The following TBC1D5 variants were observed in gnomAD, a reference collection of about 807,000 sequenced individuals.
TBC1D5 encodes TBC1 domain family member 5, also known as TBC1 domain family, member 5.
A neutral mutation model predicts 100.3 loss-of-function variants in TBC1D5; 75 were observed. The ratio of observed to expected loss-of-function variants is 0.75; its 90% CI spans 0.62 to 0.91. The LOEUF is 0.91. Among genes scored for constraint, TBC1D5 ranks in the 40% least tolerant of loss-of-function variants. The pLI is 0.00. For synonymous variants in TBC1D5, 323 were observed against 325.6 expected (o/e 0.99, Z 0.09); for missense variants, 910 against 942.4 (o/e 0.97, Z 0.45).
chr3:17,289,632 C>CAA (rs34174909), intron 15 of TBC1D5, among the ~76,000 whole-genome samples: 3 of 129,648 alleles, frequency 2.3e-5, no homozygotes, highest in African/African-American at 5.8e-5. Context: ...GACTCCATCT[C>CAA]AAAAAAAAAA....
Position 17,301,070 on chromosome 3 carries a change from G to GAA in TBC1D5, c.1138+6920_1138+6921dup, listed in dbSNP as rs1404389583. ...GTAACAAGAGTAAAACTCCGTCTCA[G>GAA]AAAAAAAAAAAAAAAGGAAAATCTA... On this transcript the variant is annotated intron_variant, in intron 14 of 21. Coordinates refer to ENST00000253692, the Ensembl canonical transcript of TBC1D5. Among the ~76,000 whole-genome samples, 382 of 82,588 alleles carry GAA rather than the reference G, an allele frequency of 4.6e-3. 4 individuals are homozygous for GAA. The highest frequency in any genetic ancestry group is 0.017 in the African/African-American group (359 of 21,718). 54.2% of individuals were successfully genotyped at this position (82,588 alleles called of 152,430 possible). A position where few individuals can be genotyped will look rare whatever the true frequency, so the allele number is the denominator to read the frequency against.
At chr3:17,198,560 A>G (rs968444695) in intron 18 of TBC1D5, among the ~76,000 whole-genome samples, 1 of 152,178 alleles carries the variant, frequency 6.6e-6, no homozygotes, top group Non-Finnish European at 1.5e-5. Flanking sequence ...GTAACTGGGC[A>G]TTTTGTGTTT....
intron 21 of TBC1D5, among the ~76,000 whole-genome samples, chr3:17,164,374 T>C (rs548390979): frequency 5.3e-5 from 8 of 152,198 alleles, no homozygotes; most frequent in Non-Finnish European, 8.8e-5. Flanking sequence ...ATCCCTAAGT[T>C]AGGAATGTGC....
chr3:17,585,111 T>C (rs1000612726), intron 2 of TBC1D5, among the ~76,000 whole-genome samples: 20 of 152,190 alleles, frequency 1.3e-4, no homozygotes, highest in African/African-American at 4.1e-4. Flanking sequence ...ATAATTTTTA[T>C]CCTCTTTATG....
chr3:17,483,826 T>C (rs1346884627), intron 3 of TBC1D5, among the ~76,000 whole-genome samples: 1 of 152,212 alleles, frequency 6.6e-6, no homozygotes, highest in Non-Finnish European at 1.5e-5. Flanking sequence ...ATTAAAGTAG[T>C]ATGCCTGACA....
chr3:17,559,267 A>C (rs1194667516), intron 2 of TBC1D5, among the ~76,000 whole-genome samples: 2 of 151,800 alleles, frequency 1.3e-5, no homozygotes, highest in Admixed American at 1.3e-4. Context: ...CAGCCTCCCA[A>C]GTAGCTGGGA....
intron 3 of TBC1D5, among the ~76,000 whole-genome samples, chr3:17,475,645 A>G (rs145315111): frequency 6.6e-6 from 1 of 152,202 alleles, no homozygotes; most frequent in East Asian, 1.9e-4. Flanking sequence ...TAACCCCACT[A>G]TCAACTCTCT....
intron 3 of TBC1D5, among the ~76,000 whole-genome samples, chr3:17,484,955 T>C (rs1218998240): frequency 6.6e-6 from 1 of 152,156 alleles, no homozygotes; most frequent in Non-Finnish European, 1.5e-5. Flanking sequence ...ATATATTCAA[T>C]GACTTACTTT....
chr3:17,685,839 T>C (rs1424978624), intron 1 of TBC1D5, among the ~76,000 whole-genome samples: 1 of 152,134 alleles, frequency 6.6e-6, no homozygotes, highest in Admixed American at 6.6e-5. Context: ...TTTCTGACAG[T>C]TTTCCTATCT....
intron 1 of TBC1D5, among the ~76,000 whole-genome samples, chr3:17,729,884 G>A (rs901639617): frequency 5.3e-5 from 8 of 152,154 alleles, no homozygotes; most frequent in Admixed American, 1.3e-4. Context: ...CAAGGCGGGC[G>A]AATCACCTGA....
At chr3:17,671,194 TAAAGGCA>T (rs2153784286) in intron 1 of TBC1D5, among the ~76,000 whole-genome samples, 1 of 152,286 alleles carries the variant, frequency 6.6e-6, no homozygotes, top group South Asian at 2.1e-4. Flanking sequence ...TGACCACATG[TAAAGGCA>T]AACATGTCAA....
At chr3:17,680,749 T>C (rs985727803) in intron 1 of TBC1D5, among the ~76,000 whole-genome samples, 4 of 151,424 alleles carry the variant, frequency 2.6e-5, no homozygotes, top group Admixed American at 2.6e-4. Flanking sequence ...ACTGTGGTAT[T>C]TAGTATTATT....
At chr3:17,695,810 A>G (rs1200820982) in intron 1 of TBC1D5, among the ~76,000 whole-genome samples, 1 of 152,250 alleles carries the variant, frequency 6.6e-6, no homozygotes, top group Admixed American at 6.5e-5. Flanking sequence ...TCTCAGCACC[A>G]TATCGCACTT....
intron 2 of TBC1D5, among the ~76,000 whole-genome samples, chr3:17,564,576 AAAG>A (rs1176794793): frequency 6.6e-6 from 1 of 152,308 alleles, no homozygotes; most frequent in South Asian, 2.1e-4. Flanking sequence ...ATTCTTGAAG[AAAG>A]AAGGAGGTAG....
intron 2 of TBC1D5, among the ~76,000 whole-genome samples, chr3:17,582,187 G>C (rs1172308018): frequency 6.6e-6 from 1 of 152,128 alleles, no homozygotes; most frequent in African/African-American, 2.4e-5. Flanking sequence ...TCAAGTTAAG[G>C]ATTTGTCTCC....
chr3:17,446,291 G>A (rs1293041554), intron 3 of TBC1D5, among the ~76,000 whole-genome samples: 1 of 152,106 alleles, frequency 6.6e-6, no homozygotes, highest in African/African-American at 2.4e-5. Flanking sequence ...CTATTGATGA[G>A]AAGAATTATA....
chr3:17,326,815 C>G (rs1460753194), intron 13 of TBC1D5, among the ~76,000 whole-genome samples: 1 of 152,132 alleles, frequency 6.6e-6, no homozygotes, highest in Non-Finnish European at 1.5e-5. Context: ...TGAAAATGTC[C>G]AACGCCAAAC....
At chr3:17,400,738 A>C (rs1017188535) in intron 8 of TBC1D5, among the ~76,000 whole-genome samples, 8 of 152,098 alleles carry the variant, frequency 5.3e-5, no homozygotes, top group African/African-American at 1.9e-4. Flanking sequence ...GGCTAGAATA[A>C]AGCAGGCAGA....
intron 18 of TBC1D5, 72 bp from the exon 20 acceptor site, chr3:17,185,280 G>T: frequency 7.8e-7 from 1 of 1,286,850 alleles, no homozygotes; most frequent in Non-Finnish European, 1.1e-6. Flanking sequence ...TTTTCTAAAT[G>T]ATCTAGACTA....
Sources: gnomAD v4.1 joint callset for allele counts (sites outside exome capture counted in the v4.1 genomes callset) on GRCh38, gnomAD v4.1.1 for gene constraint, MANE v1.5 for transcripts, NCBI Gene and HGNC (gene_info 2026-07-23, HGNC 2026-07-21) for gene names.